The following ARHGAP12 variants were observed in gnomAD, a reference collection of about 807,000 sequenced individuals.
ARHGAP12 encodes the protein Rho GTPase activating protein 12, also known as rho GTPase-activating protein 12.
ARHGAP12 carries 64 observed loss-of-function variants against 108.6 expected under a neutral mutation model. The observed-to-expected ratio is 0.59, with a 90% CI of 0.48 to 0.73. The LOEUF is 0.73. ARHGAP12 is among the 30% of genes least tolerant of loss of function. ARHGAP12 has a pLI of 0.00. For missense variants in ARHGAP12, 940 were observed against 1,005.9 expected, an observed-to-expected ratio of 0.93 and a Z score of 0.89; for synonymous variants, 312 against 337.2, an observed-to-expected ratio of 0.93 and a Z score of 0.82.
chr10:31,828,778 C>T (rs1327905889), intron 10 of ARHGAP12, among the ~76,000 whole-genome samples: 1 of 151,956 alleles, frequency 6.6e-6, no homozygotes, highest in African/African-American at 2.4e-5. Flanking sequence ...GGATATGTGG[C>T]ACACAAACAT....
intron 10 of ARHGAP12, among the ~76,000 whole-genome samples, chr10:31,829,595 A>G (rs925975024): frequency 3.3e-4 from 49 of 150,690 alleles, no homozygotes; most frequent in African/African-American, 1.1e-3. Context: ...GTACTGATGT[A>G]TGATTCTTTG....
chr10:31,809,492 C>T, intron 16 of ARHGAP12, 185 bp from the exon 17 acceptor site: 1 of 574,662 alleles, frequency 1.7e-6, no homozygotes, highest in African/African-American at 1.9e-5. Flanking sequence ...GAGATTCGCT[C>T]TGAATTCTGT....
At chr10:31,812,899 C>T (rs1320522412) in intron 14 of ARHGAP12, 76 bp from the exon 15 acceptor site, 1 of 733,616 alleles carries the variant, frequency 1.4e-6, no homozygotes, top group African/African-American at 1.8e-5. Context: ...AGCTAGCATG[C>T]AAAACACATT....
chr10:31,884,001 C>T (rs1276343505), intron 3 of ARHGAP12, among the ~76,000 whole-genome samples: 1 of 151,122 alleles, frequency 6.6e-6, no homozygotes, highest in African/African-American at 2.4e-5. Flanking sequence ...AGGCATGAGC[C>T]ACTACGCCTG....
chr10:31,811,031 C>G (rs1297749904), intron 15 of ARHGAP12, among the ~76,000 whole-genome samples: 2 of 152,204 alleles, frequency 1.3e-5, no homozygotes, highest in Non-Finnish European at 2.9e-5. Context: ...CTTATCACTC[C>G]TGGTCTCAGC....
chr10:31,827,739 C>G (rs541804715), intron 10 of ARHGAP12, among the ~76,000 whole-genome samples: 11 of 150,946 alleles, frequency 7.3e-5, no homozygotes, highest in Admixed American at 2.0e-4. Flanking sequence ...TGCAGTGAGC[C>G]GAGATTGCAC....
intron 9 of ARHGAP12, among the ~76,000 whole-genome samples, chr10:31,832,722 C>T (rs902714918): frequency 6.6e-6 from 1 of 152,152 alleles, no homozygotes; most frequent in African/African-American, 2.4e-5. Flanking sequence ...GATTACTCTG[C>T]TATATTTTCT....
intron 1 of ARHGAP12, among the ~76,000 whole-genome samples, chr10:31,925,636 C>G (rs947702384): frequency 1.3e-5 from 2 of 152,198 alleles, no homozygotes; most frequent in South Asian, 4.1e-4. Flanking sequence ...ATTACAGGCT[C>G]TAGCCCTAGA....
In ARHGAP12 at chr10:31,823,714, C is replaced by T. The variant is rs548322365; in HGVS notation, c.1530+2590G>A. Among the ~76,000 whole-genome samples, 68 of 152,250 alleles carry T rather than the reference C, an allele frequency of 4.5e-4. No individual in the cohort carries two copies. In the South Asian group the frequency reaches 0.012, roughly 26 times the overall value. ...GGCCCCTTAACATAAGCCATTCAAACTCAACTGAAGGAAAAGCTATTCCTT... is the reference window on the plus strand; with the variant it reads ...GGCCCCTTAACATAAGCCATTCAAATTCAACTGAAGGAAAAGCTATTCCTT... On this transcript the variant is annotated intron_variant, in intron 11 of 19. Coordinates refer to ENST00000344936, the MANE Select transcript of ARHGAP12 (RefSeq NM_018287.7).
intron 3 of ARHGAP12, among the ~76,000 whole-genome samples, chr10:31,898,266 T>C (rs183604675): frequency 9.8e-5 from 15 of 152,286 alleles, no homozygotes; most frequent in Admixed American, 9.8e-4. Context: ...TTTGAATAAA[T>C]ATGTCTCCAA....
intron 3 of ARHGAP12, among the ~76,000 whole-genome samples, chr10:31,869,266 G>A (rs748747496): frequency 1.1e-4 from 17 of 152,306 alleles, no homozygotes; most frequent in East Asian, 3.9e-4. Flanking sequence ...GCCAGGCACC[G>A]TGGCTCATGC....
At chr10:31,850,013 G>A (rs914683426) in intron 6 of ARHGAP12, among the ~76,000 whole-genome samples, 3 of 152,100 alleles carry the variant, frequency 2.0e-5, no homozygotes, top group African/African-American at 7.2e-5. Context: ...ATATTAGGCC[G>A]TCCTGGGACT....
At chr10:31,905,532 A>G (rs376382576) in intron 3 of ARHGAP12, among the ~76,000 whole-genome samples, 3 of 152,314 alleles carry the variant, frequency 2.0e-5, no homozygotes, top group African/African-American at 4.8e-5. Context: ...AAGCAAATAC[A>G]TATCAGTTTT....
intron 9 of ARHGAP12, among the ~76,000 whole-genome samples, chr10:31,832,849 T>C (rs867964556): frequency 1.2e-4 from 19 of 152,290 alleles, no homozygotes; most frequent in Middle Eastern, 3.4e-3. Context: ...CTGACATCTG[T>C]AGACAAAGCT....
intron 1 of ARHGAP12, among the ~76,000 whole-genome samples, chr10:31,921,437 C>T (rs1048387341): frequency 6.6e-6 from 1 of 152,116 alleles, no homozygotes; most frequent in African/African-American, 2.4e-5. Flanking sequence ...CATAAGCTTC[C>T]ACTCTAAGAA....
At chr10:31,895,535 T>C (rs1185993579) in intron 3 of ARHGAP12, among the ~76,000 whole-genome samples, 3 of 152,036 alleles carry the variant, frequency 2.0e-5, no homozygotes, top group Non-Finnish European at 2.9e-5. Context: ...ATCAAAACCA[T>C]AATGCGATAC....
chr10:31,908,909 C>A lies in ARHGAP12; in HGVS notation c.-54G>T. Reference sequence around the variant, plus strand: ...GTTATACCACATTATGGCTTTATGGCTTGTTGGATGAATATAGCTGTTTTA... The same window carrying A: ...GTTATACCACATTATGGCTTTATGGATTGTTGGATGAATATAGCTGTTTTA... On this transcript the variant is annotated 5_prime_UTR_variant, in exon 3 of 20. Coordinates refer to ENST00000344936, the MANE Select transcript of ARHGAP12 (RefSeq NM_018287.7). The A allele has an allele frequency of 6.9e-7, 1 of 1,442,330 alleles. No homozygotes were observed. Among genetic ancestry groups the A allele is most frequent in the Non-Finnish European group, 9.3e-7 (1 of 1,076,660 alleles). The allele number at this position is 1,442,330 out of a possible 1,614,324, so 89.3% of individuals were successfully genotyped here.
intron 6 of ARHGAP12, among the ~76,000 whole-genome samples, chr10:31,850,513 AT>A (rs546292778): frequency 2.3e-4 from 35 of 152,036 alleles, no homozygotes; most frequent in African/African-American, 7.5e-4. Context: ...TAATCACTAA[AT>A]TTTTTTTATA....
At chr10:31,876,867 C>T (rs1186067978) in intron 3 of ARHGAP12, among the ~76,000 whole-genome samples, 2 of 152,176 alleles carry the variant, frequency 1.3e-5, no homozygotes, top group Non-Finnish European at 2.9e-5. Context: ...GTTACAACCC[C>T]TACTCCCAAA....
Sources: gnomAD v4.1 joint callset for allele counts (sites outside exome capture counted in the v4.1 genomes callset) on GRCh38, gnomAD v4.1.1 for gene constraint, MANE v1.5 for transcripts, NCBI Gene and HGNC (gene_info 2026-07-23, HGNC 2026-07-21) for gene names.